Variants in FBXL2 observed in about 807,000 individuals in gnomAD.
FBXL2 encodes F-box/LRR-repeat protein 2.
FBXL2 carries 38 observed loss-of-function variants against 69.2 expected under a neutral mutation model. That is an observed-to-expected ratio of 0.55 (90% CI 0.42 to 0.72). The LOEUF (loss-of-function observed/expected upper bound fraction) is 0.72. Among genes scored for constraint, FBXL2 ranks in the 30% least tolerant of loss-of-function variants. FBXL2 has a pLI of 0.00. For missense variants in FBXL2, 354 were observed against 520.3 expected (o/e 0.68, Z 3.11); for synonymous variants, 192 against 201.3 (o/e 0.95, Z 0.39).
chr3:33,411,727 A>T, the FBXL2 span: 1 of 1,513,688 alleles, frequency 6.6e-7, no homozygotes, highest in Non-Finnish European at 9.2e-7. Flanking sequence ...CATCCACTTT[A>T]AATAACTTAA....
chr3:33,327,877 C>A (rs1052185969), intron 2 of FBXL2, among the ~76,000 whole-genome samples: 20 of 151,406 alleles, frequency 1.3e-4, no homozygotes, highest in African/African-American at 4.8e-4. Flanking sequence ...GAAAGGGCAT[C>A]CAAATTGGAA....
Position 33,396,673 on chromosome 3 carries a change from A to C in FBXL2, n.1215-6561A>C, listed in dbSNP as rs1198362746. 4 of 420,830 alleles carry C rather than the reference A, an allele frequency of 9.5e-6. No homozygotes were observed. In the East Asian group the frequency reaches 1.7e-4, roughly 18 times the overall value. 26.1% of individuals were successfully genotyped at this position (420,830 alleles called of 1,614,324 possible). On this transcript the variant is annotated intron_variant and non_coding_transcript_variant, in intron 12 of 12. Transcript: ENST00000463736. ...ACAGTTTCTGTCATTTTAATTCACA[A>C]TTAGTTTACATTTTTAATAACTGTT...
chr3:33,290,522 G>T (rs1250412272), intron 1 of FBXL2, among the ~76,000 whole-genome samples: 1 of 152,192 alleles, frequency 6.6e-6, no homozygotes, highest in Non-Finnish European at 1.5e-5. Context: ...TCAGCAGAAA[G>T]ATGTAAAGTG....
intron 1 of FBXL2, 79 bp from the exon 2 acceptor site, chr3:33,297,585 T>C (rs2035857006): frequency 1.2e-6 from 1 of 823,256 alleles, no homozygotes; most frequent in East Asian, 2.6e-5. Context: ...CGTTCTGATC[T>C]AGTAGTATAA....
chr3:33,390,533 C>CA, downstream of FBXL2: 1 of 698,704 alleles, frequency 1.4e-6, no homozygotes. Context: ...CCTCTTCCCC[C>CA]AAAAAACTTC....
intron 1 of FBXL2, among the ~76,000 whole-genome samples, chr3:33,281,658 C>G (rs185206383): frequency 6.6e-5 from 10 of 152,282 alleles, no homozygotes; most frequent in African/African-American, 2.2e-4. Flanking sequence ...TACAGTCACA[C>G]GAACAGTGTA....
At chr3:33,350,918 A>G (rs2040784779) in intron 2 of FBXL2, among the ~76,000 whole-genome samples, 1 of 152,132 alleles carries the variant, frequency 6.6e-6, no homozygotes, top group Non-Finnish European at 1.5e-5. Context: ...AGTTGACACA[A>G]TTGCCCATGT....
chr3:33,392,654 C>T (rs1339134070), downstream of FBXL2: 1 of 1,550,484 alleles, frequency 6.4e-7, no homozygotes. Context: ...AATTAAGATC[C>T]AACTGTCGTT....
chr3:33,293,565 A>G (rs1160412076), intron 1 of FBXL2, among the ~76,000 whole-genome samples: 2 of 152,222 alleles, frequency 1.3e-5, no homozygotes, highest in Non-Finnish European at 2.9e-5. Context: ...TAGACTCTAC[A>G]GGAGCATTGA....
At chr3:33,317,741 T>C (rs1023340029) in intron 2 of FBXL2, 12 of 290,162 alleles carry the variant, frequency 4.1e-5, no homozygotes, top group South Asian at 4.0e-4. Flanking sequence ...TTTCCATGAC[T>C]ACATCTGAAG....
chr3:33,374,730 G>GAACA (rs1422760582), intron 9 of FBXL2, among the ~76,000 whole-genome samples: 17 of 152,124 alleles, frequency 1.1e-4, no homozygotes, highest in Non-Finnish European at 2.2e-4. Context: ...CTGTTTAAGT[G>GAACA]AACATATTAT....
At chr3:33,401,034 A>G (rs748523195) in intron 12 of FBXL2, 2 of 1,584,918 alleles carry the variant, frequency 1.3e-6, no homozygotes, top group East Asian at 2.3e-5. Flanking sequence ...GAAAGGAGAA[A>G]GAAGGAAATG....
intron 10 of FBXL2, among the ~76,000 whole-genome samples, chr3:33,376,478 G>A (rs2042649130): frequency 6.6e-6 from 1 of 152,164 alleles, no homozygotes; most frequent in African/African-American, 2.4e-5. Flanking sequence ...AGGAATTTGG[G>A]TGATCAAAAC....
At chr3:33,342,666 T>C (rs1161666126) in intron 2 of FBXL2, among the ~76,000 whole-genome samples, 1 of 150,664 alleles carries the variant, frequency 6.6e-6, no homozygotes, top group Non-Finnish European at 1.5e-5. Context: ...AAAATTATTT[T>C]GATTTATTTA....
At chr3:33,323,557 G>T (rs758221536) in intron 2 of FBXL2, among the ~76,000 whole-genome samples, 3 of 152,084 alleles carry the variant, frequency 2.0e-5, no homozygotes, top group Non-Finnish European at 4.4e-5. Flanking sequence ...AGAACAGGCG[G>T]TGTTTGGTTT....
intron 12 of FBXL2, among the ~76,000 whole-genome samples, chr3:33,393,651 G>T (rs536220533): frequency 6.6e-6 from 1 of 152,200 alleles, no homozygotes; most frequent in African/African-American, 2.4e-5. Context: ...TAAAACGTAA[G>T]AATACATTAT....
intron 2 of FBXL2, among the ~76,000 whole-genome samples, chr3:33,331,495 T>A (rs1256125962): frequency 1.3e-5 from 2 of 152,030 alleles, no homozygotes; most frequent in African/African-American, 4.8e-5. Context: ...AACAGAGAAA[T>A]CCCTGTTTCT....
chr3:33,363,036 GTTTT>G (rs937034807), intron 4 of FBXL2, among the ~76,000 whole-genome samples: 16 of 152,144 alleles, frequency 1.1e-4, no homozygotes, highest in African/African-American at 3.4e-4. Context: ...ATCCTGTGGG[GTTTT>G]TTGTTTGTTT....
At chr3:33,311,307 A>G (rs2037170019) in intron 2 of FBXL2, among the ~76,000 whole-genome samples, 1 of 152,172 alleles carries the variant, frequency 6.6e-6, no homozygotes, top group East Asian at 1.9e-4. Context: ...ATTCATATCT[A>G]TTCCCAGACT....
Sources: gnomAD v4.1 joint callset for allele counts (sites outside exome capture counted in the v4.1 genomes callset) on GRCh38, gnomAD v4.1.1 for gene constraint, MANE v1.5 for transcripts, NCBI Gene and HGNC (gene_info 2026-07-23, HGNC 2026-07-21) for gene names.